Variants in TXLNG observed in about 807,000 individuals in gnomAD.
The protein encoded by TXLNG is gamma-taxilin.
In TXLNG, 5 loss-of-function variants were observed where a neutral mutation model predicts 38.8. The ratio of observed to expected loss-of-function variants is 0.13; its 90% CI spans 0.07 to 0.27. The LOEUF (loss-of-function observed/expected upper bound fraction) is 0.27. Ranked by LOEUF, TXLNG falls within the 10% of genes least tolerant of loss-of-function variation. The probability of loss-of-function intolerance (pLI) is 1.00; values close to 1 mark genes in which losing one functional copy is unlikely to be tolerated. For missense variants in TXLNG, 393 were observed against 398.2 expected, an observed-to-expected ratio of 0.99 and a Z score of 0.11; for synonymous variants, 182 against 158.2, an observed-to-expected ratio of 1.15 and a Z score of -1.13.
At position 16,841,745 on chromosome X, in the gene TXLNG, G is replaced by A. The variant is rs750278632; in HGVS notation, c.1566G>A (p.Pro522=). 36 of 1,208,438 alleles carry A rather than the reference G, an allele frequency of 3.0e-5. No homozygotes were observed. The highest frequency in any genetic ancestry group is 7.0e-5 in the African/African-American group (4 of 57,088). The part of the protein sequence containing the change: ...VQKPPSTGSA[P]AIESVD The stretch of plus-strand genomic sequence containing the variant: ...AGCCCCCGTCCACAGGCTCTGCTCC[G>A]GCCATCGAGTCGGTTGACTAAGATG... Residue 522 remains proline, a synonymous_variant, in exon 10 of 10, where the codon CCG becomes CCA. Transcript: ENST00000380122.
intron 1 of TXLNG, among the ~76,000 whole-genome samples, chrX:16,793,312 T>TA (rs2147458909): frequency 9.0e-6 from 1 of 111,286 alleles, no homozygotes; most frequent in South Asian, 3.8e-4. Context: ...AAGGAAAAGA[T>TA]ACATAAAATA....
chrX:16,822,096 T>C (rs1201947626), intron 3 of TXLNG, among the ~76,000 whole-genome samples: 1 of 110,019 alleles, frequency 9.1e-6, no homozygotes, highest in Admixed American at 9.7e-5. Context: ...CCCAGCACTT[T>C]GGGAGGCCGA....
chrX:16,830,865 GTGTGTGTGTGTGTGTGTGTGTA>G (rs1199597154), intron 5 of TXLNG, among the ~76,000 whole-genome samples: 21 of 97,295 alleles, frequency 2.2e-4, no homozygotes, highest in African/African-American at 8.1e-4. Flanking sequence ...GTGTGTGTGT[GTGTGTGTGTGTGTGTGTGTGTA>G]TAGAGACAGT....
chrX:16,827,869 T>A lies in TXLNG; in HGVS notation c.499-225T>A, dbSNP rs183715852. Among the ~76,000 whole-genome samples the A allele has an allele frequency of 2.6e-3, 289 of 112,079 alleles. 1 individual carries two copies. The highest frequency in any genetic ancestry group is 8.8e-3 in the African/African-American group (272 of 30,870). On this transcript the variant is annotated intron_variant, in intron 3 of 9. Coordinates refer to ENST00000380122, the MANE Select transcript of TXLNG (RefSeq NM_018360.3). ...GATTTTTTTTTAAAAAAGAAAAAGA[T>A]GGATTATTTTCTGCTGCCCTAAATT... is the stretch of plus-strand genomic sequence containing the variant.
chrX:16,788,496 A>G (rs777556628), intron 1 of TXLNG, among the ~76,000 whole-genome samples: 44 of 111,283 alleles, frequency 4.0e-4, no homozygotes, highest in Admixed American at 1.3e-3. Flanking sequence ...TTAATCTTTG[A>G]ATTTTCATTT....
rs1255230331 is a variant in TXLNG at position 16,832,802 on chromosome X, G to A, written c.984+60G>A. 5.3e-6 allele frequency: 6 copies of A among 1,132,906 alleles called. No individual in the cohort carries two copies. The Admixed American group carries it at 1.4e-4, about 26-fold the overall frequency. 93.4% of individuals were successfully genotyped at this position (1,132,906 alleles called of 1,213,427 possible). A position where few individuals can be genotyped will look rare whatever the true frequency, so the allele number is the denominator to read the frequency against. On this transcript the variant is annotated intron_variant, in intron 6 of 9. Coordinates refer to ENST00000380122, the MANE Select transcript of TXLNG (RefSeq NM_018360.3). ...GCCAACATTGTAACTGAGGCCATTT[G>A]AAACATCAAATTGTAACCAAGGCCG...
chrX:16,827,341 A>G (rs1369448516), intron 3 of TXLNG, among the ~76,000 whole-genome samples: 1 of 111,905 alleles, frequency 8.9e-6, no homozygotes, highest in Non-Finnish European at 1.9e-5. Context: ...GCAAACAGCA[A>G]TTCGGGACAT....
At chrX:16,794,001 TTATATC>T (rs1352761162) in intron 1 of TXLNG, among the ~76,000 whole-genome samples, 6 of 111,784 alleles carry the variant, frequency 5.4e-5, no homozygotes, top group Non-Finnish European at 1.1e-4. Context: ...TGTCAGCAGT[TTATATC>T]TATCAGCAAT....
intron 9 of TXLNG, among the ~76,000 whole-genome samples, chrX:16,840,863 ACT>A (rs1929778363): frequency 9.0e-6 from 1 of 111,046 alleles, no homozygotes; most frequent in African/African-American, 3.3e-5. Flanking sequence ...TGTGTCTGCT[ACT>A]CTTTGTCATA....
intron 8 of TXLNG, among the ~76,000 whole-genome samples, chrX:16,838,169 C>G (rs1929665123): frequency 1.8e-5 from 2 of 111,731 alleles, no homozygotes; most frequent in East Asian, 2.8e-4. Flanking sequence ...CTGACCCAAC[C>G]AATTCTTTTG....
At chrX:16,821,386 G>A (rs1166881817) in intron 3 of TXLNG, among the ~76,000 whole-genome samples, 4 of 110,850 alleles carry the variant, frequency 3.6e-5, no homozygotes, top group South Asian at 3.8e-4. Context: ...TGATCCGCCC[G>A]CCTTGGCCTC....
In TXLNG at chrX:16,840,413, G is replaced by C. The variant is rs1421717219; in HGVS notation, c.1248+497G>C. On this transcript the variant is annotated intron_variant, in intron 9 of 9. Coordinates refer to ENST00000380122, the MANE Select transcript of TXLNG (RefSeq NM_018360.3). ...TTAGGCTTTCAAAAAAAGCAACAAA[G>C]TACGTTTTGCCTGTTTTATATAACA... 2.7e-6 allele frequency: 2 copies of C among 751,588 alleles called. 1 individual carries two copies. Among genetic ancestry groups the C allele is most frequent in the South Asian group, 1.4e-4 (2 of 14,670 alleles). The allele number at this position is 751,588 out of a possible 1,213,427, so 61.9% of individuals were successfully genotyped here.
At chrX:16,824,255 T>C (rs1279827480) in intron 3 of TXLNG, among the ~76,000 whole-genome samples, 3 of 110,391 alleles carry the variant, frequency 2.7e-5, no homozygotes, top group Non-Finnish European at 5.7e-5. Context: ...GCTGAAGTGG[T>C]AGGATTGCTT....
chrX:16,827,074 C>T (rs1176313286), intron 3 of TXLNG, among the ~76,000 whole-genome samples: 4 of 103,687 alleles, frequency 3.9e-5, no homozygotes, highest in African/African-American at 1.1e-4. Flanking sequence ...ACTAAAAATA[C>T]AAAAATTAGC....
chrX:16,821,712 T>C (rs757444012), intron 3 of TXLNG, among the ~76,000 whole-genome samples: 29 of 111,550 alleles, frequency 2.6e-4, no homozygotes, highest in South Asian at 1.1e-3. Context: ...ATTCTGAGGC[T>C]GGGCGCGGTG....
In TXLNG at chrX:16,842,599, G is replaced by A. The variant is rs766833498; in HGVS notation, c.*833G>A. On this transcript the variant is annotated 3_prime_UTR_variant, in exon 10 of 10. Transcript: ENST00000380122. ...TTGAAAACTGGTGTTCATGTTTGCCGTTCAATGAAGTCCCTTGTCAAAGAC... is the reference window on the plus strand; with the variant it reads ...TTGAAAACTGGTGTTCATGTTTGCCATTCAATGAAGTCCCTTGTCAAAGAC... 3 of 112,001 alleles carry A rather than the reference G, an allele frequency of 2.7e-5. No homozygotes were observed. Among genetic ancestry groups the A allele is most frequent in the Non-Finnish European group, 3.8e-5 (2 of 53,229 alleles). The allele number at this position is 112,001 out of a possible 1,213,427, so 9.2% of individuals were successfully genotyped here.
At chrX:16,809,430 G>A (rs1193483298) in intron 1 of TXLNG, among the ~76,000 whole-genome samples, 2 of 98,586 alleles carry the variant, frequency 2.0e-5, no homozygotes, top group African/African-American at 3.8e-5. Flanking sequence ...TGCAACCTCC[G>A]CCTCCCGGGT....
In TXLNG at chrX:16,818,636, G is replaced by A. The variant is rs776624265; in HGVS notation, c.165G>A (p.Leu55=). Residue 55 remains leucine (L), a synonymous_variant, in exon 2 of 10, where the codon TTG becomes TTA. Coordinates refer to ENST00000380122, the MANE Select transcript of TXLNG (RefSeq NM_018360.3). The part of the protein sequence containing the change: ...ICGLGVKADM[L]CNSQSNDILQ... ...GGCTAGGGGTGAAAGCAGATATGTT[G>A]TGTAACTCTCAATCAAATGATATTC... 5.8e-6 allele frequency: 7 copies of A among 1,210,543 alleles called. No individual in the cohort carries two copies. The East Asian group carries it at 2.1e-4, about 36-fold the overall frequency.
chrX:16,838,286 A>G (rs1929672367), intron 8 of TXLNG, among the ~76,000 whole-genome samples: 1 of 111,791 alleles, frequency 8.9e-6, no homozygotes, highest in Non-Finnish European at 1.9e-5. Flanking sequence ...AGCCAGCCTT[A>G]TTTTACTTGG....
Sources: allele counts gnomAD v4.1 joint callset (sites outside exome capture counted in the v4.1 genomes callset), GRCh38; gene constraint gnomAD v4.1.1; transcripts MANE v1.5; gene names NCBI Gene and HGNC (gene_info 2026-07-23, HGNC 2026-07-21).